DHX57: variants seen among roughly 807,000 people sequenced by gnomAD.
The protein encoded by DHX57 is DExH-box helicase 57, also known as putative ATP-dependent RNA helicase DHX57.
DHX57 carries 105 observed loss-of-function variants against 156.2 expected under a neutral mutation model. That is an observed-to-expected ratio of 0.67 (90% CI 0.57 to 0.79). The LOEUF is 0.79. Ranked by LOEUF, DHX57 falls within the 30% of genes least tolerant of loss-of-function variation. The probability of loss-of-function intolerance (pLI) is 0.00; values close to 1 mark genes in which losing one functional copy is unlikely to be tolerated. For synonymous variants in DHX57, 704 were observed against 595.6 expected (o/e 1.18, Z -2.65); for missense variants, 1,847 against 1,661.9 (o/e 1.11, Z -1.94).
rs1253332972 is a variant in DHX57 at position 38,831,310 on chromosome 2, C to T, written c.2543-2874G>A. Among the ~76,000 whole-genome samples, 4 of 138,950 alleles carry T rather than the reference C, an allele frequency of 2.9e-5. No individual in the cohort carries two copies. In the South Asian group the frequency reaches 7.3e-4, roughly 25 times the overall value. The allele number at this position is 138,950 out of a possible 152,430, so 91.2% of individuals were successfully genotyped here. On this transcript the variant is annotated intron_variant, in intron 13 of 23. Transcript: ENST00000457308. ...CTCTGCTTTAAATTTAGGTAATTTTCTTTCTTTATTTCTTTTTTTTTTTTT... is the reference window on the plus strand; with the variant it reads ...CTCTGCTTTAAATTTAGGTAATTTTTTTTCTTTATTTCTTTTTTTTTTTTT...
intron 11 of DHX57, among the ~76,000 whole-genome samples, chr2:38,845,731 G>C (rs1317388054): frequency 1.3e-5 from 2 of 152,100 alleles, no homozygotes; most frequent in Non-Finnish European, 1.5e-5. Flanking sequence ...TCAAAGAAGA[G>C]AGATCTGTTT....
At chr2:38,808,683 C>T (rs1275640494) in intron 21 of DHX57, among the ~76,000 whole-genome samples, 1 of 152,122 alleles carries the variant, frequency 6.6e-6, no homozygotes, top group Non-Finnish European at 1.5e-5. Flanking sequence ...GGGGTATAAA[C>T]TTATATTCCC....
At chr2:38,816,603 C>T (rs1188910391) in intron 19 of DHX57, among the ~76,000 whole-genome samples, 1 of 152,138 alleles carries the variant, frequency 6.6e-6, no homozygotes, top group Non-Finnish European at 1.5e-5. Context: ...GGCTACTGTT[C>T]TCACATAGGC....
intron 21 of DHX57, among the ~76,000 whole-genome samples, chr2:38,807,648 C>T (rs957844345): frequency 6.8e-4 from 102 of 149,234 alleles, no homozygotes; most frequent in African/African-American, 2.2e-3. Context: ...TGAGCCACTG[C>T]GCCCGGCCTT....
chr2:38,812,043 G>A (rs1241529233), intron 21 of DHX57, among the ~76,000 whole-genome samples: 2 of 152,066 alleles, frequency 1.3e-5, no homozygotes, highest in Non-Finnish European at 2.9e-5. Flanking sequence ...ATAGGCATGA[G>A]CCAATGCTCC....
rs1230174708 is a variant in DHX57 at position 38,863,559 on chromosome 2, A to G, written c.225-40T>C. On this transcript the variant is annotated intron_variant, in intron 2 of 23. Transcript: ENST00000457308. ...AGAGCAAAATTACACACATATCTTC[A>G]ATCAGAACTTTTACACTCTCCTCAG... 1.9e-6 allele frequency: 3 copies of G among 1,587,078 alleles called. No individual in the cohort carries two copies. The African/African-American group carries it at 4.1e-5, about 22-fold the overall frequency.
chr2:38,826,715 G>T (rs1451192054), intron 14 of DHX57, 26 bp from the exon 15 acceptor site: 1 of 1,611,238 alleles, frequency 6.2e-7, no homozygotes. Context: ...AGCACATGAA[G>T]TATTCTAGCA....
Position 38,858,644 on chromosome 2 carries a change from C to T in DHX57, c.1587+17G>A, listed in dbSNP as rs763862640. On this transcript the variant is annotated intron_variant, in intron 6 of 23. Transcript: ENST00000457308. ...TATTAGGGAGGCAACGTTACTCATT[C>T]TCTCAGCATACCCTACCTGTTTCAT... 6.2e-7 allele frequency: 1 copy of T among 1,600,240 alleles called. No homozygotes were observed. The highest frequency in any genetic ancestry group is 1.3e-5 in the African/African-American group (1 of 74,122).
rs1029178979 is a variant in DHX57, at chr2:38,802,566, G to C, written c.4017+149C>G. 6.3e-6 allele frequency: 6 copies of C among 951,138 alleles called. No individual in the cohort carries two copies. In the Admixed American group the frequency reaches 1.3e-4, roughly 20 times the overall value. The allele number at this position is 951,138 out of a possible 1,614,324, so 58.9% of individuals were successfully genotyped here. ...GCCTCCCAAAGTGCTGGGATTATAG[G>C]TGTGAGCCACTGGGCTCGGCCACCG... is the stretch of plus-strand genomic sequence containing the variant. On this transcript the variant is annotated intron_variant, in intron 23 of 23. Coordinates refer to ENST00000457308, the MANE Select transcript of DHX57 (RefSeq NM_198963.3).
rs774103711 is a variant in DHX57 at position 38,855,194 on chromosome 2, G to A, written c.1768C>T (p.Pro590Ser). 1.9e-6 allele frequency: 3 copies of A among 1,614,130 alleles called. No homozygotes were observed. Among genetic ancestry groups the A allele is most frequent in the Non-Finnish European group, 2.5e-6 (3 of 1,180,012 alleles). Residue 590 changes from proline to serine, a missense_variant, in exon 8 of 24, where the codon CCT (proline) becomes TCT (serine). Physicochemically the swap from Pro to Ser is moderately conservative, Grantham distance 74. Coordinates refer to ENST00000457308, the MANE Select transcript of DHX57 (RefSeq NM_198963.3). Reference protein sequence around the residue: ...FILDDSLNGPPEKVANIICTQ... With the variant: ...FILDDSLNGPSEKVANIICTQ... ...CAGATGATGTTGGCTACCTTCTCAGGTGGTCCATTCAGAGAATCATCCAGA... is the reference window on the plus strand; with the variant it reads ...CAGATGATGTTGGCTACCTTCTCAGATGGTCCATTCAGAGAATCATCCAGA...
chr2:38,838,061 A>ATCTGT, intron 12 of DHX57, 114 bp from the exon 13 acceptor site: 4 of 707,126 alleles, frequency 5.7e-6, no homozygotes, highest in Non-Finnish European at 9.9e-6. Flanking sequence ...TTGGTTTAAT[A>ATCTGT]GCACAGATAT....
intron 1 of DHX57, among the ~76,000 whole-genome samples, chr2:38,870,362 G>A (rs1032657373): frequency 6.6e-6 from 1 of 152,202 alleles, no homozygotes; most frequent in African/African-American, 2.4e-5. Flanking sequence ...CATGCAGGAA[G>A]CTCAATGGCC....
chr2:38,874,432 C>T (rs1665505581), intron 1 of DHX57, among the ~76,000 whole-genome samples: 1 of 117,744 alleles, frequency 8.5e-6, no homozygotes, highest in African/African-American at 3.5e-5. Flanking sequence ...TTTTTTGAGA[C>T]AGAGTCTCAC....
chr2:38,848,478 G>T, intron 9 of DHX57, 76 bp from the exon 10 acceptor site: 1 of 1,419,950 alleles, frequency 7.0e-7, no homozygotes, highest in South Asian at 1.5e-5. Context: ...ACTATATTTT[G>T]AGCAAGAAAT....
Position 38,856,447 on chromosome 2 carries a change from G to C in DHX57, c.1602C>G (p.Phe534Leu), listed in dbSNP as rs751388843. ...QFRMKQASRQ[F>L]QSILQERQSL... ...ATTGCCTCTCTTGCAGAATGGACTG[G>C]AACTGTCTGGAAGCCTAATAAAATC... is the stretch of plus-strand genomic sequence containing the variant. Residue 534 changes from phenylalanine to leucine, a missense_variant, in exon 7 of 24, where the codon TTC becomes TTG. Physicochemically the swap from Phe to Leu is conservative, Grantham distance 22. Coordinates refer to ENST00000457308, the MANE Select transcript of DHX57 (RefSeq NM_198963.3). 1.9e-6 allele frequency: 3 copies of C among 1,609,716 alleles called. No individual in the cohort carries two copies. The highest frequency in any genetic ancestry group is 2.5e-6 in the Non-Finnish European group (3 of 1,178,992).
intron 1 of DHX57, among the ~76,000 whole-genome samples, chr2:38,875,532 C>A (rs971606061): frequency 6.6e-6 from 1 of 152,180 alleles, no homozygotes; most frequent in Non-Finnish European, 1.5e-5. Context: ...GCCCCGCCCC[C>A]CCCGGCCCCA....
Position 38,828,425 on chromosome 2 carries a change from C to T in DHX57, c.2554G>A (p.Val852Ile), listed in dbSNP as rs1431759461. The change falls in exon 14 of 24, where the codon GTA becomes ATA. Residue 852 changes from valine (V) to isoleucine (I), a missense_variant. Val to Ile is a conservative substitution (Grantham distance 29). Coordinates refer to ENST00000457308, the MANE Select transcript of DHX57 (RefSeq NM_198963.3). ...KHSYPPGAILVFLPGLAEIKM... is the reference protein window; with the variant it reads ...KHSYPPGAILIFLPGLAEIKM... ...ATTTCTGCTAGTCCTGGTAAAAATA[C>T]AAGTATAGCACCTGGGTATATAAAA... 6.2e-7 allele frequency: 1 copy of T among 1,611,558 alleles called. No homozygotes were observed. The highest frequency in any genetic ancestry group is 8.5e-7 in the Non-Finnish European group (1 of 1,178,658).
chr2:38,859,653 G>A (rs1673085225), intron 5 of DHX57, among the ~76,000 whole-genome samples: 1 of 152,086 alleles, frequency 6.6e-6, no homozygotes, highest in African/African-American at 2.4e-5. Flanking sequence ...TCTGGGAGTG[G>A]GTCGGGTGGT....
At chr2:38,845,839 A>G (rs368091807) in intron 11 of DHX57, among the ~76,000 whole-genome samples, 3 of 151,892 alleles carry the variant, frequency 2.0e-5, no homozygotes, top group African/African-American at 7.2e-5. Flanking sequence ...TGCGAGTACA[A>G]TGATGATGAT....
Sources: allele counts gnomAD v4.1 joint callset (sites outside exome capture counted in the v4.1 genomes callset), GRCh38; gene constraint gnomAD v4.1.1; transcripts MANE v1.5; gene names NCBI Gene and HGNC (gene_info 2026-07-23, HGNC 2026-07-21).